The following MB21D2 variants were observed in gnomAD, a reference collection of about 807,000 sequenced individuals.
The protein encoded by MB21D2 is Mab-21 domain containing 2.
A neutral mutation model predicts 33.3 loss-of-function variants in MB21D2; 9 were observed. The ratio of observed to expected loss-of-function variants is 0.27; its 90% confidence interval spans 0.16 to 0.47. MB21D2 has a LOEUF of 0.47. Ranked by LOEUF, MB21D2 falls within the 20% of genes least tolerant of loss-of-function variation. The pLI, the probability that MB21D2 is intolerant of heterozygous loss-of-function variation, is 0.99. For synonymous variants in MB21D2, 241 were observed against 236.3 expected (o/e 1.02, Z -0.18); for missense variants, 540 against 624.6 (o/e 0.86, Z 1.44).
chr3:192,797,863 A>C lies in MB21D2; in HGVS notation c.*523T>G, dbSNP rs1414398171. On this transcript the variant is annotated 3_prime_UTR_variant, in exon 2 of 2. Transcript: ENST00000392452. ...TACATTGTTTGGTGGAAAAGGGGGG[A>C]AACTACTCTGGTCACTGGCCAAAAT... 1.3e-5 allele frequency: 2 copies of C among 152,910 alleles called. No homozygotes were observed. The highest frequency in any genetic ancestry group is 2.4e-5 in the African/African-American group (1 of 41,426). The allele number at this position is 152,910 out of a possible 1,614,324, so 9.5% of individuals were successfully genotyped here. A position where few individuals can be genotyped will look rare whatever the true frequency, so the allele number is the denominator to read the frequency against.
chr3:192,805,973 T>C (rs1711652288), intron 1 of MB21D2, among the ~76,000 whole-genome samples: 1 of 152,166 alleles, frequency 6.6e-6, no homozygotes, highest in South Asian at 2.1e-4. Flanking sequence ...ACACAAAACA[T>C]GTTAGATGAA....
chr3:192,809,748 T>C (rs1487459796), intron 1 of MB21D2, among the ~76,000 whole-genome samples: 1 of 152,220 alleles, frequency 6.6e-6, no homozygotes, highest in Non-Finnish European at 1.5e-5. Context: ...GAGACGATTA[T>C]AGATGACATT....
chr3:192,911,781 C>A (rs1714363362), intron 1 of MB21D2, among the ~76,000 whole-genome samples: 1 of 152,120 alleles, frequency 6.6e-6, no homozygotes, highest in African/African-American at 2.4e-5. Context: ...GGAATTGAAA[C>A]CAATCCAAAC....
intron 1 of MB21D2, among the ~76,000 whole-genome samples, chr3:192,816,590 G>C (rs964467286): frequency 6.6e-6 from 1 of 152,282 alleles, no homozygotes; most frequent in Admixed American, 6.5e-5. Flanking sequence ...AAGTGAGTGA[G>C]AACACAGTGC....
In MB21D2 at chr3:192,889,125, T is replaced by C. The variant is rs187996583; in HGVS notation, c.211+28505A>G. Among the ~76,000 whole-genome samples the C allele has an allele frequency of 7.7e-4, 117 of 152,234 alleles. 3 individuals carry two copies. Among genetic ancestry groups the C allele is most frequent in the African/African-American group, 2.6e-3 (107 of 41,476 alleles). On this transcript the variant is annotated intron_variant, in intron 1 of 1. Transcript: ENST00000392452. ...CACCAGGCAGAAGAATTAAAATCTA[T>C]TTATGATGTATTCAACAAACAGATA... is the stretch of plus-strand genomic sequence containing the variant.
chr3:192,799,181 C>T lies in MB21D2; in HGVS notation c.681G>A (p.Gly227=). ...CAATATCATACAACATGCGACTACT[C>T]CCTACACCCAGAATGATGGAGATGA... ...GTIISIILGV[G]SSRMLYDIVP... is the part of the protein sequence containing the mutation. Residue 227 remains glycine (G), a synonymous_variant, in exon 2 of 2, where the codon GGG becomes GGA. Transcript: ENST00000392452. The surrounding 1 kb of genome is among the most constrained non-coding windows in gnomAD (Gnocchi z 4.1). 2 of 1,614,224 alleles carry T rather than the reference C, an allele frequency of 1.2e-6. No homozygotes were observed. Among genetic ancestry groups the T allele is most frequent in the Non-Finnish European group, 1.7e-6 (2 of 1,180,048 alleles).
intron 1 of MB21D2, among the ~76,000 whole-genome samples, chr3:192,820,602 G>C (rs1016741112): frequency 1.3e-5 from 2 of 152,218 alleles, no homozygotes; most frequent in Non-Finnish European, 2.9e-5. Flanking sequence ...AAGCGTCTGC[G>C]TAGCGGCCAC....
chr3:192,913,545 C>T (rs1714399419), intron 1 of MB21D2, among the ~76,000 whole-genome samples: 1 of 151,614 alleles, frequency 6.6e-6, no homozygotes, highest in African/African-American at 2.4e-5. Flanking sequence ...AAAAACTGGC[C>T]AGGCATGGTG....
chr3:192,878,799 A>G (rs930483172), intron 1 of MB21D2, among the ~76,000 whole-genome samples: 2 of 152,156 alleles, frequency 1.3e-5, no homozygotes, highest in Middle Eastern at 3.2e-3. Flanking sequence ...CCTGGTGTCT[A>G]CTAAAAATAC....
At chr3:192,866,456 A>G (rs1713170847) in intron 1 of MB21D2, among the ~76,000 whole-genome samples, 3 of 152,208 alleles carry the variant, frequency 2.0e-5, no homozygotes, top group Non-Finnish European at 2.9e-5. Context: ...TGTTACATTT[A>G]ATTAATTTAT....
At chr3:192,895,318 C>A (rs566140250) in intron 1 of MB21D2, among the ~76,000 whole-genome samples, 82 of 152,342 alleles carry the variant, frequency 5.4e-4, no homozygotes, top group Non-Finnish European at 9.3e-4. Context: ...CACACCCAGA[C>A]ATAGTCCCCC....
intron 1 of MB21D2, among the ~76,000 whole-genome samples, chr3:192,855,024 T>C (rs1479675959): frequency 2.0e-5 from 3 of 152,236 alleles, no homozygotes; most frequent in African/African-American, 7.2e-5. Flanking sequence ...CAATATCTAT[T>C]CTGCAACTCA....
At chr3:192,878,009 G>C (rs963418080) in intron 1 of MB21D2, among the ~76,000 whole-genome samples, 4 of 148,972 alleles carry the variant, frequency 2.7e-5, no homozygotes, top group African/African-American at 9.8e-5. Flanking sequence ...ACACTGAGAG[G>C]CAGCAACGGT....
chr3:192,892,009 G>A (rs978342881), intron 1 of MB21D2, among the ~76,000 whole-genome samples: 2 of 151,908 alleles, frequency 1.3e-5, no homozygotes, highest in African/African-American at 4.8e-5. Flanking sequence ...TACTTCATAG[G>A]GTAAAATCAT....
intron 1 of MB21D2, among the ~76,000 whole-genome samples, chr3:192,849,981 C>T (rs909897788): frequency 2.2e-4 from 33 of 149,894 alleles, no homozygotes; most frequent in South Asian, 8.5e-4. Context: ...TGCAGTGGTG[C>T]GATCTTGGCT....
chr3:192,877,431 C>A (rs1035485248), intron 1 of MB21D2, among the ~76,000 whole-genome samples: 1 of 152,128 alleles, frequency 6.6e-6, no homozygotes, highest in Non-Finnish European at 1.5e-5. Context: ...ACTAGTTACC[C>A]TTCACCACAC....
intron 1 of MB21D2, among the ~76,000 whole-genome samples, chr3:192,909,212 C>T (rs1274543502): frequency 6.7e-6 from 1 of 150,274 alleles, no homozygotes; most frequent in Admixed American, 6.6e-5. Flanking sequence ...GCCGAGATCG[C>T]ACCACTGCAC....
At position 192,915,182 on chromosome 3, in the gene MB21D2, C is replaced by A. The variant is rs1303657886; in HGVS notation, c.211+2448G>T. 8.5e-5 allele frequency among the ~76,000 whole-genome samples: 13 copies of A among 152,158 alleles called. No homozygotes were observed. In the South Asian group the frequency reaches 2.7e-3, roughly 32 times the overall value. On this transcript the variant is annotated intron_variant, in intron 1 of 1. Coordinates refer to ENST00000392452, the MANE Select transcript of MB21D2 (RefSeq NM_178496.4). The stretch of plus-strand genomic sequence containing the variant: ...GCCAAGAGGACTGGCCACCCTCCAC[C>A]CCCCCGCCCTGAAATGAGGGCCTGG...
At chr3:192,803,223 A>T (rs1711591818) in intron 1 of MB21D2, among the ~76,000 whole-genome samples, 1 of 152,220 alleles carries the variant, frequency 6.6e-6, no homozygotes, top group African/African-American at 2.4e-5. Flanking sequence ...AATTCCTGCC[A>T]ATGATAAAAG....
Sources: gnomAD v4.1 joint callset for allele counts (sites outside exome capture counted in the v4.1 genomes callset) on GRCh38, gnomAD v4.1.1 for gene constraint, Gnocchi (gnomAD v3.1) non-coding constraint, MANE v1.5 for transcripts, NCBI Gene and HGNC (gene_info 2026-07-23, HGNC 2026-07-21) for gene names.